TRABD2B: variants seen among roughly 807,000 people sequenced by gnomAD.
The protein encoded by TRABD2B is metalloprotease TIKI2.
TRABD2B carries 14 observed loss-of-function variants against 40.1 expected under a neutral mutation model. The observed-to-expected ratio is 0.35, with a 90% CI of 0.23 to 0.55. The LOEUF (loss-of-function observed/expected upper bound fraction) is 0.55, where lower values mean the gene tolerates loss of function less well. TRABD2B is among the 20% of genes least tolerant of loss of function. The pLI is 0.90. For synonymous variants in TRABD2B, 263 were observed against 277.0 expected, an observed-to-expected ratio of 0.95 and a Z score of 0.50; for missense variants, 541 against 648.6, an observed-to-expected ratio of 0.83 and a Z score of 1.80.
intron 6 of TRABD2B, among the ~76,000 whole-genome samples, chr1:47,773,543 A>G (rs1644404246): frequency 1.3e-5 from 2 of 152,258 alleles, no homozygotes; most frequent in Admixed American, 6.5e-5. Flanking sequence ...GTGGCAGTGA[A>G]TAAGTCTCAT....
chr1:47,797,051 A>G (rs2124243958), intron 3 of TRABD2B, among the ~76,000 whole-genome samples: 1 of 152,346 alleles, frequency 6.6e-6, no homozygotes, highest in South Asian at 2.1e-4. Flanking sequence ...CCTTAGAAGT[A>G]TGGGGCTATG....
At chr1:47,972,941 G>A (rs1298101620) in intron 2 of TRABD2B, among the ~76,000 whole-genome samples, 7 of 150,910 alleles carry the variant, frequency 4.6e-5, no homozygotes, top group South Asian at 2.1e-4. Context: ...GGGACTGTAC[G>A]TGCATGGTTG....
chr1:47,986,865 T>G (rs1257240937), intron 2 of TRABD2B, among the ~76,000 whole-genome samples: 4 of 152,160 alleles, frequency 2.6e-5, no homozygotes. Flanking sequence ...TGGCAGCCGC[T>G]GAACAGAACT....
At chr1:47,842,970 T>G (rs2124491531) in intron 2 of TRABD2B, among the ~76,000 whole-genome samples, 1 of 152,198 alleles carries the variant, frequency 6.6e-6, no homozygotes, top group East Asian at 1.9e-4. Flanking sequence ...AGAGCTGTCC[T>G]GGGGAGATCT....
chr1:47,958,004 TGA>T, intron 2 of TRABD2B, among the ~76,000 whole-genome samples: 1 of 152,322 alleles, frequency 6.6e-6, no homozygotes, highest in South Asian at 2.1e-4. Context: ...GACTAACAGC[TGA>T]TCTCTTGGCA....
intron 2 of TRABD2B, among the ~76,000 whole-genome samples, chr1:47,983,538 A>T (rs574945705): frequency 1.1e-3 from 161 of 152,234 alleles, no homozygotes; most frequent in African/African-American, 3.6e-3. Context: ...CATTGTTATC[A>T]CCGAAGTCCC....
chr1:47,844,645 C>A (rs1645443832), intron 2 of TRABD2B, among the ~76,000 whole-genome samples: 1 of 152,084 alleles, frequency 6.6e-6, no homozygotes, highest in Admixed American at 6.5e-5. Flanking sequence ...AAATTCTTCA[C>A]AGGAGAAAAA....
chr1:47,931,332 A>C (rs1570312307), intron 2 of TRABD2B, among the ~76,000 whole-genome samples: 1 of 152,240 alleles, frequency 6.6e-6, no homozygotes, highest in South Asian at 2.1e-4. Flanking sequence ...GTATAGCCAG[A>C]TCTTTCTCTT....
rs35027686 is a variant in TRABD2B, at chr1:47,949,401, CTTTTTTT to C, written c.666+44626_666+44632del. Reference sequence around the variant, plus strand: ...TCTATGATTGTATTTTCTTTTCTTTCTTTTTTTTTTTTTTTTTTTTTTTTGAGACAGG... The same window carrying C: ...TCTATGATTGTATTTTCTTTTCTTTCTTTTTTTTTTTTTTTTTGAGACAGG... On this transcript the variant is annotated intron_variant, in intron 2 of 6. Coordinates refer to ENST00000606738, the MANE Select transcript of TRABD2B (RefSeq NM_001194986.2). Among the ~76,000 whole-genome samples, 27 of 80,286 alleles carry C rather than the reference CTTTTTTT, an allele frequency of 3.4e-4. No homozygotes were observed. The South Asian group carries it at 0.012, about 37-fold the overall frequency. The allele number at this position is 80,286 out of a possible 152,430, so 52.7% of individuals were successfully genotyped here. A position where few individuals can be genotyped will look rare whatever the true frequency, so the allele number is the denominator to read the frequency against.
intron 2 of TRABD2B, among the ~76,000 whole-genome samples, chr1:47,905,953 C>T (rs1311288006): frequency 6.6e-6 from 1 of 152,216 alleles, no homozygotes; most frequent in African/African-American, 2.4e-5. Context: ...CCGCTCTTAA[C>T]CCCAGCACTC....
At chr1:47,893,096 A>G (rs1644471021) in intron 2 of TRABD2B, among the ~76,000 whole-genome samples, 2 of 152,182 alleles carry the variant, frequency 1.3e-5, no homozygotes, top group Non-Finnish European at 2.9e-5. Context: ...ACGCAGTGTC[A>G]TCTGGCCAGA....
At chr1:47,891,490 G>A (rs1644444542) in intron 2 of TRABD2B, among the ~76,000 whole-genome samples, 1 of 152,100 alleles carries the variant, frequency 6.6e-6, no homozygotes, top group Non-Finnish European at 1.5e-5. Context: ...GCAGAGGCAA[G>A]AATATGTTTT....
chr1:47,826,124 A>G (rs1411280068), intron 2 of TRABD2B, among the ~76,000 whole-genome samples: 4 of 152,210 alleles, frequency 2.6e-5, no homozygotes, highest in African/African-American at 7.2e-5. Context: ...TAGCAGCCCA[A>G]CTGGCTTGAA....
intron 2 of TRABD2B, among the ~76,000 whole-genome samples, chr1:47,934,562 G>A (rs1310662593): frequency 2.6e-5 from 4 of 152,224 alleles, no homozygotes; most frequent in Non-Finnish European, 1.5e-5. Context: ...GCAGCTTTGG[G>A]GAGTTCTCTT....
At chr1:47,791,753 G>A (rs113077246) in intron 4 of TRABD2B, among the ~76,000 whole-genome samples, 4 of 152,286 alleles carry the variant, frequency 2.6e-5, no homozygotes, top group Admixed American at 2.0e-4. Context: ...AGAATGTAAC[G>A]AGGCCGGAGT....
At chr1:47,842,842 C>T (rs1459104757) in intron 2 of TRABD2B, among the ~76,000 whole-genome samples, 1 of 152,258 alleles carries the variant, frequency 6.6e-6, no homozygotes, top group African/African-American at 2.4e-5. Flanking sequence ...GTGGTGATAA[C>T]CCCTGTGGAC....
intron 2 of TRABD2B, among the ~76,000 whole-genome samples, chr1:47,873,516 C>T (rs1487819196): frequency 3.3e-5 from 5 of 152,110 alleles, no homozygotes; most frequent in East Asian, 1.9e-4. Context: ...GTGGCTGGGG[C>T]GAGGGCGTGT....
chr1:47,858,054 A>T (rs1349675656), intron 2 of TRABD2B, among the ~76,000 whole-genome samples: 2 of 151,936 alleles, frequency 1.3e-5, no homozygotes, highest in Non-Finnish European at 2.9e-5. Flanking sequence ...ATTAGTTATT[A>T]TTGTTAATCT....
chr1:47,780,632 G>A (rs566389759), intron 4 of TRABD2B, among the ~76,000 whole-genome samples: 140 of 152,266 alleles, frequency 9.2e-4, no homozygotes, highest in Non-Finnish European at 1.7e-3. Flanking sequence ...TCCTGGAGGG[G>A]GCACTGCTAG....
Sources: allele counts gnomAD v4.1 joint callset (sites outside exome capture counted in the v4.1 genomes callset), GRCh38; gene constraint gnomAD v4.1.1; transcripts MANE v1.5; gene names NCBI Gene and HGNC (gene_info 2026-07-23, HGNC 2026-07-21).